Variants in BMP2K observed in about 807,000 individuals in gnomAD.
The protein encoded by BMP2K is BMP-2-inducible protein kinase.
In BMP2K, 74 loss-of-function variants were observed where a neutral mutation model predicts 116.0. The observed-to-expected ratio is 0.64, with a 90% CI of 0.53 to 0.77. The LOEUF is 0.77. Among genes scored for constraint, BMP2K ranks in the 30% least tolerant of loss-of-function variants. The pLI is 0.00. For missense variants in BMP2K, 1,365 were observed against 1,403.6 expected (o/e 0.97, Z 0.44); for synonymous variants, 486 against 502.5 (o/e 0.97, Z 0.44).
intron 15 of BMP2K, among the ~76,000 whole-genome samples, chr4:78,905,648 G>T (rs12647482): frequency 0.069 from 10,489 of 151,844 alleles, 503 homozygotes; most frequent in East Asian, 0.22. Context: ...AGGATTTAGG[G>T]TATATTGAAT....
At chr4:78,828,991 G>C (rs986970325) in intron 2 of BMP2K, among the ~76,000 whole-genome samples, 2 of 152,170 alleles carry the variant, frequency 1.3e-5, no homozygotes, top group East Asian at 3.9e-4. Flanking sequence ...AGACCTTGGC[G>C]ATGACCTTGA....
At chr4:78,819,391 A>G (rs573208982) in intron 1 of BMP2K, among the ~76,000 whole-genome samples, 1 of 152,312 alleles carries the variant, frequency 6.6e-6, no homozygotes, top group African/African-American at 2.4e-5. Flanking sequence ...TACTAATTGT[A>G]TTAGTAGTAG....
intron 1 of BMP2K, among the ~76,000 whole-genome samples, chr4:78,788,866 A>G (rs1268749854): frequency 6.8e-6 from 1 of 147,744 alleles, no homozygotes; most frequent in African/African-American, 2.5e-5. Context: ...TTCAAGGTTC[A>G]GATTTGTTTT....
Position 78,913,142 on chromosome 4 carries a change from G to A in BMP2K, c.*1109G>A, listed in dbSNP as rs979830334. ...CAATTATTTTTATTAGGTTTTGGGGGGTGGAGTAGTTTTAATAAAGTGCAC... is the reference window on the plus strand; with the variant it reads ...CAATTATTTTTATTAGGTTTTGGGGAGTGGAGTAGTTTTAATAAAGTGCAC... On this transcript the variant is annotated 3_prime_UTR_variant, in exon 16 of 16. Transcript: ENST00000502613. 79 of 152,164 alleles carry A rather than the reference G, an allele frequency of 5.2e-4. No homozygotes were observed. Among genetic ancestry groups the A allele is most frequent in the African/African-American group, 1.8e-3 (73 of 41,520 alleles). 9.4% of individuals were successfully genotyped at this position (152,164 alleles called of 1,614,324 possible).
chr4:78,903,897 T>G (rs1176482483), intron 15 of BMP2K, among the ~76,000 whole-genome samples: 4 of 151,958 alleles, frequency 2.6e-5, no homozygotes, highest in Admixed American at 6.6e-5. Context: ...GTAGTTTAAT[T>G]GTAGAATTTA....
chr4:78,843,269 TCTCAG>T lies in BMP2K; in HGVS notation c.546+743_546+747del, dbSNP rs577300138. Among the ~76,000 whole-genome samples, 392 of 152,016 alleles carry T rather than the reference TCTCAG, an allele frequency of 2.6e-3. 1 individual carries two copies. Among genetic ancestry groups the T allele is most frequent in the Non-Finnish European group, 4.4e-3 (301 of 67,846 alleles). ...CCTTCAGGTCTGCTCAGGTTCACCT[TCTCAG>T]TGAGTCCCATCACTATAGCCTAACC... On this transcript the variant is annotated intron_variant, in intron 4 of 15. Coordinates refer to ENST00000502613, the MANE Select transcript of BMP2K (RefSeq NM_198892.2).
chr4:78,858,621 T>G (rs1388322773), intron 7 of BMP2K, among the ~76,000 whole-genome samples: 2 of 151,940 alleles, frequency 1.3e-5, no homozygotes, highest in African/African-American at 2.4e-5. Flanking sequence ...TACTTAAATT[T>G]GAAGGGAAGA....
chr4:78,868,920 CT>C (rs1303404239), intron 10 of BMP2K, among the ~76,000 whole-genome samples: 2 of 152,130 alleles, frequency 1.3e-5, no homozygotes, highest in Non-Finnish European at 2.9e-5. Context: ...GTATCAGCAG[CT>C]TTTTCAGGCG....
chr4:78,851,054 T>A lies in BMP2K; in HGVS notation c.881T>A (p.Ile294Lys). 2 of 1,607,922 alleles carry A rather than the reference T, an allele frequency of 1.2e-6. No individual in the cohort carries two copies. The highest frequency in any genetic ancestry group is 1.7e-6 in the Non-Finnish European group (2 of 1,176,772). Residue 294 changes from isoleucine to lysine, a missense_variant and splice_region_variant, in exon 7 of 16, where the codon ATA becomes AAA. Physicochemically the swap from Ile to Lys is moderately radical, Grantham distance 102. Transcript: ENST00000502613. ...TACTCCCGTAACATACATTGCTTAA[T>A]AAGTAAGTATTTGGGAAAATGTATG... is the stretch of plus-strand genomic sequence containing the variant. ...SRYSRNIHCL[I>K]RFMLEPDPEH... is the part of the protein sequence containing the mutation.
intron 13 of BMP2K, among the ~76,000 whole-genome samples, chr4:78,878,415 C>A (rs558896052): frequency 6.6e-6 from 1 of 152,178 alleles, no homozygotes; most frequent in South Asian, 2.1e-4. Flanking sequence ...ATTATTTAAT[C>A]TTCTCAGCAA....
chr4:78,804,429 A>C (rs1394248959), intron 1 of BMP2K, among the ~76,000 whole-genome samples: 1 of 152,176 alleles, frequency 6.6e-6, no homozygotes, highest in Non-Finnish European at 1.5e-5. Context: ...TATATATTTT[A>C]GATTGTTCTA....
chr4:78,865,490 T>G (rs946349552), intron 9 of BMP2K, 67 bp from the exon 10 acceptor site: 2 of 1,471,190 alleles, frequency 1.4e-6, no homozygotes, highest in African/African-American at 2.8e-5. Context: ...GTTGGATGCT[T>G]TATAGAATAA....
At chr4:78,811,631 AT>A (rs1307174657) in intron 1 of BMP2K, among the ~76,000 whole-genome samples, 2 of 152,248 alleles carry the variant, frequency 1.3e-5, no homozygotes, top group East Asian at 3.8e-4. Context: ...GTATAAGGTA[AT>A]AAGCTTAATC....
Position 78,873,269 on chromosome 4 carries a change from C to G in BMP2K, c.1793+471C>G, listed in dbSNP as rs1256349319. ...TTTAAGATGATATATAGTATACATACTGTTACCGTAACATAGTTGGTAATA... is the reference window on the plus strand; with the variant it reads ...TTTAAGATGATATATAGTATACATAGTGTTACCGTAACATAGTTGGTAATA... On this transcript the variant is annotated intron_variant, in intron 13 of 15. Transcript: ENST00000502613. Among the ~76,000 whole-genome samples the G allele has an allele frequency of 2.0e-5, 3 of 152,098 alleles. No individual in the cohort carries two copies. The East Asian group carries it at 5.8e-4, about 29-fold the overall frequency.
chr4:78,898,211 AC>A (rs989513534), intron 15 of BMP2K, among the ~76,000 whole-genome samples: 1 of 152,148 alleles, frequency 6.6e-6, no homozygotes, highest in African/African-American at 2.4e-5. Context: ...GCTCCCAAAG[AC>A]CCTAGACCCA....
chr4:78,778,941 TG>T (rs1261386566), intron 1 of BMP2K, among the ~76,000 whole-genome samples: 1 of 152,208 alleles, frequency 6.6e-6, no homozygotes, highest in Admixed American at 6.5e-5. Context: ...TTGCATTTTT[TG>T]TTTTGGCCCA....
intron 6 of BMP2K, among the ~76,000 whole-genome samples, chr4:78,847,516 A>AT (rs200325299): frequency 0.027 from 4,031 of 151,718 alleles, 181 homozygotes; most frequent in African/African-American, 0.092. Context: ...TAACTACAGT[A>AT]TTTTTTGAGG....
chr4:78,819,451 AG>A (rs983300147), intron 1 of BMP2K, among the ~76,000 whole-genome samples: 1 of 152,234 alleles, frequency 6.6e-6, no homozygotes, highest in African/African-American at 2.4e-5. Context: ...CTTTGCATAC[AG>A]AACCTCATTT....
At chr4:78,855,264 A>G (rs1052103252) in intron 7 of BMP2K, among the ~76,000 whole-genome samples, 1 of 152,168 alleles carries the variant, frequency 6.6e-6, no homozygotes, top group Admixed American at 6.6e-5. Context: ...GATGCATGAA[A>G]TATTTATGGT....
Sources: allele counts gnomAD v4.1 joint callset (sites outside exome capture counted in the v4.1 genomes callset), GRCh38; gene constraint gnomAD v4.1.1; transcripts MANE v1.5; gene names NCBI Gene and HGNC (gene_info 2026-07-23, HGNC 2026-07-21).